Variants in COL6A5 observed in about 807,000 individuals in gnomAD.
COL6A5 encodes collagen alpha-5(VI) chain.
COL6A5 carries 48 observed loss-of-function variants against 65.6 expected under a neutral mutation model. The observed-to-expected ratio is 0.73, with a 90% CI of 0.58 to 0.93. The LOEUF is 0.93. COL6A5 is among the 40% of genes least tolerant of loss of function. The pLI is 0.00. For missense variants in COL6A5, 914 were observed against 928.3 expected (o/e 0.98, Z 0.20); for synonymous variants, 291 against 322.8 (o/e 0.90, Z 1.05).
chr3:130,377,618 A>T (rs1008863390), intron 3 of COL6A5, among the ~76,000 whole-genome samples: 27 of 152,244 alleles, frequency 1.8e-4, no homozygotes, highest in Admixed American at 1.8e-3. Context: ...GTGTTGTCCC[A>T]TCCTAGACTT....
chr3:130,359,894 G>T (rs1421162651), intron 1 of COL6A5, among the ~76,000 whole-genome samples: 11 of 152,174 alleles, frequency 7.2e-5, no homozygotes, highest in African/African-American at 2.6e-4. Context: ...TTATCTTTAT[G>T]AAGTGGATTT....
chr3:130,388,450 A>G (rs1936274450), intron 5 of COL6A5, 130 bp from the exon 6 acceptor site: 1 of 781,294 alleles, frequency 1.3e-6, no homozygotes, highest in Non-Finnish European at 1.9e-6. Flanking sequence ...TACAATTTTC[A>G]AACATAACAA....
At chr3:130,452,137 C>T (rs1184092395) in intron 4 of COL6A5, among the ~76,000 whole-genome samples, 1 of 152,148 alleles carries the variant, frequency 6.6e-6, no homozygotes, top group Non-Finnish European at 1.5e-5. Flanking sequence ...TGCTTAGACT[C>T]TGCATGACCC....
chr3:130,418,946 A>G lies in COL6A5; in HGVS notation c.4950+15A>G. 1 of 1,549,290 alleles carries G rather than the reference A, an allele frequency of 6.5e-7. No individual in the cohort carries two copies. ...GAGGAAGACAGGTATGAAGTTTTGA[A>G]GTCCCTACCCTCCCCAGATCTGGGT... is the stretch of plus-strand genomic sequence containing the variant. On this transcript the variant is annotated intron_variant and NMD_transcript_variant, in intron 25 of 41. Coordinates refer to the COL6A5 transcript ENST00000312481.
At chr3:130,432,024 TAG>T (rs1937840179) in intron 1 of COL6A5, 75 bp downstream of exon 33, 11 of 1,437,788 alleles carry the variant, frequency 7.7e-6, no homozygotes, top group African/African-American at 4.3e-5. Context: ...ATGGGAGTGG[TAG>T]AGAGTCAAGA....
At chr3:130,431,615 G>T in exon 1 of COL6A5, 1 of 1,551,556 alleles carries the variant, frequency 6.4e-7, no homozygotes, top group Non-Finnish European at 8.7e-7. Context: ...GTGGGAGCAA[G>T]AGTTGCCATG....
At chr3:130,382,938 C>T (rs73000342) in intron 4 of COL6A5, among the ~76,000 whole-genome samples, 8,634 of 152,034 alleles carry the variant, frequency 0.057, 649 homozygotes, top group East Asian at 0.31. Flanking sequence ...TATAGATATG[C>T]CAAATTAGAA....
exon 4 of COL6A5, chr3:130,379,996 G>T: frequency 3.2e-6 from 5 of 1,550,170 alleles, no homozygotes; most frequent in Non-Finnish European, 4.4e-6. Context: ...GCTCCAGAAT[G>T]AAATATGGTC....
chr3:130,455,651 G>T (rs1367671918), exon 5 of COL6A5: 8 of 1,611,522 alleles, frequency 5.0e-6, no homozygotes, highest in Non-Finnish European at 5.9e-6. Flanking sequence ...TGCAGAAATT[G>T]CAAGTCTCAC....
exon 3 of COL6A5, chr3:130,440,716 G>A (rs773825067): frequency 6.2e-7 from 1 of 1,613,362 alleles, no homozygotes. Flanking sequence ...ACATGGAGGA[G>A]TTAGCCAGCT....
In COL6A5 at chr3:130,406,225, A is replaced by T. The variant is rs764959761; in HGVS notation, c.4426-43A>T. The T allele has an allele frequency of 4.5e-6, 7 of 1,548,144 alleles. No individual in the cohort carries two copies. In the South Asian group the frequency reaches 6.0e-5, roughly 13 times the overall value. On this transcript the variant is annotated intron_variant and NMD_transcript_variant, in intron 16 of 41. Coordinates refer to the COL6A5 transcript ENST00000312481. Reference sequence around the variant, plus strand: ...ATAAAACTGTCATGAGGTTGCTAAAATTTTTTTTAAGTGGGAATTTTGTTT... The same window carrying T: ...ATAAAACTGTCATGAGGTTGCTAAATTTTTTTTTAAGTGGGAATTTTGTTT...
chr3:130,469,165 C>G (rs59160673), exon 6 of COL6A5: 1 of 1,613,166 alleles, frequency 6.2e-7, no homozygotes, highest in Non-Finnish European at 8.5e-7. Context: ...TTTTTATTGG[C>G]CATGCCTTGC....
chr3:130,362,296 A>G (rs1188449235), intron 1 of COL6A5, among the ~76,000 whole-genome samples: 1 of 1,768 alleles, frequency 5.7e-4, no homozygotes, highest in Non-Finnish European at 1.9e-3. Flanking sequence ...CTCCATATAT[A>G]TATATATATA....
At chr3:130,430,878 G>C (rs1253528939), upstream of COL6A5, among the ~76,000 whole-genome samples, 1 of 152,112 alleles carries the variant, frequency 6.6e-6, no homozygotes, top group Non-Finnish European at 1.5e-5. Flanking sequence ...TGCTGCACTT[G>C]ATTCATCTTT....
intron 8 of COL6A5, among the ~76,000 whole-genome samples, chr3:130,396,988 G>A (rs908375217): frequency 1.6e-4 from 24 of 152,132 alleles, no homozygotes; most frequent in South Asian, 2.1e-4. Context: ...TCAGTCTCCC[G>A]AATAGCTGGG....
At chr3:130,455,961 T>G (rs1360199322) in intron 5 of COL6A5, among the ~76,000 whole-genome samples, 2 of 152,078 alleles carry the variant, frequency 1.3e-5, no homozygotes, top group South Asian at 2.1e-4. Flanking sequence ...GGAAGCAGTA[T>G]AGTGAACATC....
Position 130,406,122 on chromosome 3 carries a change from A to G in COL6A5, c.4381-9A>G, listed in dbSNP as rs1936983114. The G allele has an allele frequency of 1.9e-6, 3 of 1,550,162 alleles. No individual in the cohort carries two copies. The highest frequency in any genetic ancestry group is 2.6e-6 in the Non-Finnish European group (3 of 1,145,540). On this transcript the variant is annotated splice_polypyrimidine_tract_variant and intron_variant and NMD_transcript_variant, in intron 15 of 41. Transcript: ENST00000312481. ...TTTTACCTGATGCCTGTCTATTGTC[A>G]TCTCTCAGGGAGGTCATGGAGACGA... is the stretch of plus-strand genomic sequence containing the variant.
chr3:130,421,315 A>C lies in COL6A5; in HGVS notation c.5002-10A>C. 1 of 1,550,776 alleles carries C rather than the reference A, an allele frequency of 6.4e-7. No individual in the cohort carries two copies. ...GTTGATGTATTTATGTTCTGTGCTG[A>C]AAATTATAGGGCCCAAGAGGATTCC... On this transcript the variant is annotated splice_polypyrimidine_tract_variant and intron_variant and NMD_transcript_variant, in intron 26 of 41. Transcript: ENST00000312481.
Position 130,380,044 on chromosome 3 carries a change from A to G in COL6A5, c.1294A>G (p.Lys432Glu). The change falls in exon 4 of 42, where the codon AAA (lysine) becomes GAA (glutamate). Residue 432 changes from lysine to glutamate, a missense_variant and NMD_transcript_variant. Coordinates refer to the COL6A5 transcript ENST00000312481. ...TTATGCTGAACAAAGGAATCTTGAT[A>G]AAACTGGTATGTTTTTTAAAATACT... is the stretch of plus-strand genomic sequence containing the variant. The G allele has an allele frequency of 2.6e-6, 4 of 1,511,248 alleles. No homozygotes were observed. In the South Asian group the frequency reaches 5.2e-5, roughly 20 times the overall value. The allele number at this position is 1,511,248 out of a possible 1,614,324, so 93.6% of individuals were successfully genotyped here. A position where few individuals can be genotyped will look rare whatever the true frequency, so the allele number is the denominator to read the frequency against.
Sources: gnomAD v4.1 joint callset for allele counts (sites outside exome capture counted in the v4.1 genomes callset) on GRCh38, gnomAD v4.1.1 for gene constraint, MANE v1.5 for transcripts, NCBI Gene and HGNC (gene_info 2026-07-23, HGNC 2026-07-21) for gene names.